The following INPP4B variants were observed in gnomAD, a reference collection of about 807,000 sequenced individuals.
INPP4B encodes inositol polyphosphate 4-phosphatase type II.
INPP4B carries 55 observed loss-of-function variants against 122.5 expected under a neutral mutation model. The observed-to-expected ratio is 0.45, with a 90% CI of 0.36 to 0.56. INPP4B has a LOEUF of 0.56. Ranked by LOEUF, INPP4B falls within the 20% of genes least tolerant of loss-of-function variation. INPP4B has a pLI of 0.00. For missense variants in INPP4B, 1,000 were observed against 1,097.7 expected (o/e 0.91, Z 1.26); for synonymous variants, 403 against 388.7 (o/e 1.04, Z -0.43).
At chr4:142,702,226 T>C (rs899451983) in intron 2 of INPP4B, among the ~76,000 whole-genome samples, 3 of 152,178 alleles carry the variant, frequency 2.0e-5, no homozygotes, top group African/African-American at 7.2e-5. Flanking sequence ...TTCAAATTGT[T>C]TGTTACAATT....
At chr4:142,369,400 A>G (rs1579868125) in intron 7 of INPP4B, among the ~76,000 whole-genome samples, 1 of 151,802 alleles carries the variant, frequency 6.6e-6, no homozygotes, top group Admixed American at 6.6e-5. Flanking sequence ...CTTGGGCAAC[A>G]TGATGATGAA....
chr4:142,551,209 C>G (rs982139215), intron 2 of INPP4B, among the ~76,000 whole-genome samples: 3 of 152,184 alleles, frequency 2.0e-5, no homozygotes, highest in Non-Finnish European at 1.5e-5. Flanking sequence ...ACGCCCTTGT[C>G]CCCATACTCA....
intron 7 of INPP4B, among the ~76,000 whole-genome samples, chr4:142,335,046 A>G (rs1776089179): frequency 6.6e-6 from 1 of 150,852 alleles, no homozygotes; most frequent in South Asian, 2.1e-4. Flanking sequence ...AGACCTCCTA[A>G]GAATAAAGCC....
chr4:142,163,672 A>G (rs547171804), intron 16 of INPP4B, among the ~76,000 whole-genome samples: 16 of 151,946 alleles, frequency 1.1e-4, no homozygotes, highest in African/African-American at 3.9e-4. Context: ...ATGCATGTGT[A>G]GGAAAAAAAC....
chr4:142,063,728 C>T (rs1198047869), intron 25 of INPP4B, among the ~76,000 whole-genome samples: 2 of 152,104 alleles, frequency 1.3e-5, no homozygotes, highest in Non-Finnish European at 2.9e-5. Context: ...TATTTTTCAT[C>T]TTCCTTTCAT....
intron 23 of INPP4B, among the ~76,000 whole-genome samples, chr4:142,088,533 C>T (rs951373608): frequency 1.3e-5 from 2 of 151,978 alleles, no homozygotes. Flanking sequence ...CGTGCACATG[C>T]ATGCCTGTAT....
intron 7 of INPP4B, among the ~76,000 whole-genome samples, chr4:142,319,277 G>A (rs1345060206): frequency 6.6e-6 from 1 of 152,126 alleles, no homozygotes; most frequent in African/African-American, 2.4e-5. Context: ...ACACCTCTCG[G>A]CAGGGATAGA....
At chr4:142,728,704 A>G (rs964295983) in intron 1 of INPP4B, among the ~76,000 whole-genome samples, 2 of 152,182 alleles carry the variant, frequency 1.3e-5, no homozygotes, top group Non-Finnish European at 2.9e-5. Flanking sequence ...AAGGACTGCC[A>G]GCAACATCAG....
At chr4:142,398,438 ATATAT>A (rs1300516575) in intron 7 of INPP4B, among the ~76,000 whole-genome samples, 23 of 106,916 alleles carry the variant, frequency 2.2e-4, no homozygotes, top group East Asian at 6.0e-4. Flanking sequence ...ATATATATAT[ATATAT>A]ATAAAACATA....
Position 142,652,792 on chromosome 4 carries a change from G to A in INPP4B, c.-191+73047C>T, listed in dbSNP as rs370930475. Among the ~76,000 whole-genome samples, 27 of 152,258 alleles carry A rather than the reference G, an allele frequency of 1.8e-4. No individual in the cohort carries two copies. The East Asian group carries it at 2.7e-3, about 15-fold the overall frequency. ...TGTGAAAATAGCCATATTGCCCAAG[G>A]TAATTTATAGATTCAGTGCCATCCC... On this transcript the variant is annotated intron_variant, in intron 2 of 25. Transcript: ENST00000262992.
chr4:142,666,149 G>GTA (rs1756014755), intron 2 of INPP4B, among the ~76,000 whole-genome samples: 1 of 152,084 alleles, frequency 6.6e-6, no homozygotes, highest in South Asian at 2.1e-4. Context: ...ATCTGTGTGT[G>GTA]TATATATATG....
At chr4:142,577,799 T>G (rs1734176664) in intron 2 of INPP4B, among the ~76,000 whole-genome samples, 1 of 152,012 alleles carries the variant, frequency 6.6e-6, no homozygotes, top group Non-Finnish European at 1.5e-5. Flanking sequence ...CACCAATTTT[T>G]GGCTGTTGGT....
intron 7 of INPP4B, among the ~76,000 whole-genome samples, chr4:142,333,080 A>G (rs528513002): frequency 1.2e-4 from 18 of 152,166 alleles, no homozygotes; most frequent in Admixed American, 7.9e-4. Context: ...GAAAATATAT[A>G]AAACAGAGAC....
At chr4:142,696,247 A>G (rs1034792260) in intron 2 of INPP4B, among the ~76,000 whole-genome samples, 1 of 152,078 alleles carries the variant, frequency 6.6e-6, no homozygotes, top group Non-Finnish European at 1.5e-5. Context: ...TAAGACAGAG[A>G]GTGTGCCTGG....
chr4:142,784,767 G>A (rs1413478234), intron 1 of INPP4B, among the ~76,000 whole-genome samples: 2 of 151,972 alleles, frequency 1.3e-5, no homozygotes, highest in African/African-American at 4.8e-5. Context: ...GAAAAGAGAA[G>A]AGTAACCCTT....
At chr4:142,831,472 T>TA (rs1324725137) in intron 1 of INPP4B, among the ~76,000 whole-genome samples, 2 of 152,174 alleles carry the variant, frequency 1.3e-5, no homozygotes, top group Non-Finnish European at 2.9e-5. Context: ...TATTAAAACA[T>TA]TAATCTCCCC....
intron 7 of INPP4B, among the ~76,000 whole-genome samples, chr4:142,390,407 G>C (rs1797288945): frequency 6.6e-6 from 1 of 152,066 alleles, no homozygotes; most frequent in South Asian, 2.1e-4. Flanking sequence ...CATCATTTTG[G>C]CTAAATGAAT....
intron 1 of INPP4B, among the ~76,000 whole-genome samples, chr4:142,825,300 C>T (rs972291487): frequency 6.6e-6 from 1 of 151,996 alleles, no homozygotes; most frequent in Non-Finnish European, 1.5e-5. Flanking sequence ...AGAAGAGTTC[C>T]CATTCACTTG....
chr4:142,288,807 T>C (rs1755049904), intron 9 of INPP4B, among the ~76,000 whole-genome samples: 1 of 152,164 alleles, frequency 6.6e-6, no homozygotes, highest in African/African-American at 2.4e-5. Context: ...GGGATAATAA[T>C]ATATTACCTG....
Sources: allele counts gnomAD v4.1 joint callset (sites outside exome capture counted in the v4.1 genomes callset), GRCh38; gene constraint gnomAD v4.1.1; transcripts MANE v1.5; gene names NCBI Gene and HGNC (gene_info 2026-07-23, HGNC 2026-07-21).